CACNA1C: variants seen among roughly 807,000 people sequenced by gnomAD.
The protein encoded by CACNA1C is voltage-dependent L-type calcium channel subunit alpha-1C.
A neutral mutation model predicts 229.0 loss-of-function variants in CACNA1C; 30 were observed. The ratio of observed to expected loss-of-function variants is 0.13; its 90% confidence interval spans 0.10 to 0.18. The LOEUF (loss-of-function observed/expected upper bound fraction) is 0.18, where lower values mean the gene tolerates loss of function less well. CACNA1C is among the 10% of genes least tolerant of loss of function. The pLI is 1.00. For missense variants in CACNA1C, 1,658 were observed against 2,845.0 expected (o/e 0.58, Z 9.49); for synonymous variants, 1,114 against 1,132.5 (o/e 0.98, Z 0.33).
At chr12:2,272,039 G>A (rs1353290768) in intron 3 of CACNA1C, among the ~76,000 whole-genome samples, 3 of 152,184 alleles carry the variant, frequency 2.0e-5, no homozygotes, top group Non-Finnish European at 4.4e-5. Context: ...TGGAGCATCC[G>A]CAAGGCCACC....
At position 1,987,091 on chromosome 12, in the gene CACNA1C, C is replaced by A. The variant is rs568615806; in HGVS notation, c.139+15890C>A. 2.0e-5 allele frequency among the ~76,000 whole-genome samples: 3 copies of A among 152,200 alleles called. No homozygotes were observed. In the South Asian group the frequency reaches 6.2e-4, roughly 32 times the overall value. On this transcript the variant is annotated intron_variant, in intron 1 of 46. Coordinates refer to the CACNA1C transcript ENST00000682462. ...GGCTTCAAAAGGTTTACTATTACCA[C>A]GCATGCTTAAAAAAAAGAACTTACA...
rs1247036135 is a variant in CACNA1C at position 2,145,685 on chromosome 12, G to A, written c.477+25255G>A. 2.0e-5 allele frequency among the ~76,000 whole-genome samples: 3 copies of A among 151,284 alleles called. 1 individual carries two copies. The highest frequency in any genetic ancestry group is 4.4e-5 in the Non-Finnish European group (3 of 67,620). ...GCTTAAGTAGTCCGTGGGCTTGTGA[G>A]GAAAACGCTAGATTAAATCTTGATT... is the stretch of plus-strand genomic sequence containing the variant. On this transcript the variant is annotated intron_variant, in intron 3 of 46. Transcript: ENST00000399655.
intron 29 of CACNA1C, among the ~76,000 whole-genome samples, chr12:2,626,808 A>G (rs1024777492): frequency 6.6e-6 from 1 of 152,202 alleles, no homozygotes; most frequent in Non-Finnish European, 1.5e-5. Context: ...GGAAGATGGC[A>G]GGCTTCAGGA....
chr12:2,616,281 T>C (rs1358109501), intron 29 of CACNA1C, among the ~76,000 whole-genome samples: 1 of 152,220 alleles, frequency 6.6e-6, no homozygotes, highest in Non-Finnish European at 1.5e-5. Flanking sequence ...TCTTTCTGTC[T>C]GGGCCTCCTC....
chr12:2,367,630 C>G (rs1043568292), intron 3 of CACNA1C, among the ~76,000 whole-genome samples: 1 of 151,936 alleles, frequency 6.6e-6, no homozygotes, highest in African/African-American at 2.4e-5. Flanking sequence ...AATTAGGAAA[C>G]AGTATCAGAA....
intron 9 of CACNA1C, among the ~76,000 whole-genome samples, chr12:2,528,916 T>C (rs552185234): frequency 8.5e-5 from 13 of 152,260 alleles, no homozygotes; most frequent in South Asian, 4.1e-4. Flanking sequence ...AGGTCGCCCA[T>C]TGGACACTCA....
intron 3 of CACNA1C, among the ~76,000 whole-genome samples, chr12:2,389,818 C>A (rs1203440412): frequency 2.6e-5 from 4 of 152,124 alleles, no homozygotes; most frequent in Non-Finnish European, 4.4e-5. Context: ...GTTCTTCCAA[C>A]CCTCCGGCAC....
chr12:1,992,946 T>C, intron 1 of CACNA1C: 2 of 593,044 alleles, frequency 3.4e-6, no homozygotes, highest in Non-Finnish European at 6.0e-6. Flanking sequence ...GTCTCTGCAG[T>C]CTCCTCACTA....
intron 44 of CACNA1C, 133 bp from the exon 45 acceptor site, chr12:2,686,033 A>C: frequency 1.2e-6 from 1 of 868,066 alleles, no homozygotes; most frequent in South Asian, 1.3e-5. Context: ...AATACGTCTC[A>C]GACGAGGGGA....
chr12:2,061,145 T>C (rs1005767769), intron 1 of CACNA1C, among the ~76,000 whole-genome samples: 1 of 147,750 alleles, frequency 6.8e-6, no homozygotes, highest in African/African-American at 2.5e-5. Context: ...TTTTTTTTTG[T>C]CTGTAAAGTG....
intron 3 of CACNA1C, among the ~76,000 whole-genome samples, chr12:2,375,557 GATCA>G (rs1470039761): frequency 8.5e-5 from 13 of 152,200 alleles, no homozygotes; most frequent in African/African-American, 2.9e-4. Flanking sequence ...CTTCCTTGAT[GATCA>G]GATGTTTCTT....
In CACNA1C at chr12:2,449,013, T is replaced by C. The variant is rs1430591228; in HGVS notation, c.515T>C (p.Val172Ala). The C allele has an allele frequency of 6.2e-7, 1 of 1,609,116 alleles. No individual in the cohort carries two copies. The highest frequency in any genetic ancestry group is 8.5e-7 in the Non-Finnish European group (1 of 1,176,192). ...TATCTCTTTCTCATAATTTTTACGGTGGAAGCGTTTTTAAAAGTAATCGCC... is the reference window on the plus strand; with the variant it reads ...TATCTCTTTCTCATAATTTTTACGGCGGAAGCGTTTTTAAAAGTAATCGCC... ...VEYLFLIIFT[V>A]EAFLKVIAYG... The change falls in exon 4 of 47, where the codon GTG (valine) becomes GCG (alanine). Residue 172 changes from valine (V) to alanine (A), a missense_variant. Coordinates refer to ENST00000399655, the MANE Select transcript of CACNA1C (RefSeq NM_000719.7).
At position 2,212,166 on chromosome 12, in the gene CACNA1C, G is replaced by C. The variant is rs567166667; in HGVS notation, c.477+91736G>C. ...GTTCCAGGTTATATGTTTTTATGGG[G>C]TGATGGTGAAACAAAGAATGAATTT... On this transcript the variant is annotated intron_variant, in intron 3 of 46. Transcript: ENST00000399655. Among the ~76,000 whole-genome samples the C allele has an allele frequency of 5.3e-5, 8 of 152,316 alleles. No individual in the cohort carries two copies. In the South Asian group the frequency reaches 1.7e-3, roughly 32 times the overall value.
At chr12:2,230,043 C>T (rs924132303) in intron 3 of CACNA1C, among the ~76,000 whole-genome samples, 1 of 152,192 alleles carries the variant, frequency 6.6e-6, no homozygotes, top group African/African-American at 2.4e-5. Flanking sequence ...CCTTAAGCTC[C>T]GGCAGCGATT....
At chr12:2,641,460 T>C (rs1463758019) in intron 30 of CACNA1C, 2 of 521,006 alleles carry the variant, frequency 3.8e-6, no homozygotes, top group Non-Finnish European at 6.9e-6. Flanking sequence ...AGTTCCGTGG[T>C]CTCAGGACAG....
At chr12:2,064,470 G>T (rs1356329328) in intron 1 of CACNA1C, among the ~76,000 whole-genome samples, 1 of 152,206 alleles carries the variant, frequency 6.6e-6, no homozygotes, top group Admixed American at 6.5e-5. Context: ...GGTGCTGCCT[G>T]CCCTGCCCCA....
chr12:2,617,710 C>T (rs2081318790), intron 29 of CACNA1C, among the ~76,000 whole-genome samples: 2 of 152,272 alleles, frequency 1.3e-5, no homozygotes, highest in South Asian at 4.1e-4. Flanking sequence ...GGATGTGGCT[C>T]AAATGGAAGG....
intron 3 of CACNA1C, among the ~76,000 whole-genome samples, chr12:2,158,695 TCAAG>T (rs923474531): frequency 2.6e-5 from 4 of 151,998 alleles, no homozygotes; most frequent in Non-Finnish European, 4.4e-5. Context: ...AAACTATCAC[TCAAG>T]CAAGAAGGTA....
In CACNA1C at chr12:2,633,772, ATT is replaced by A; in HGVS notation, c.3829-523_3829-522del. On this transcript the variant is annotated intron_variant, in intron 29 of 46. Coordinates refer to ENST00000399655, the MANE Select transcript of CACNA1C (RefSeq NM_000719.7). The surrounding 1 kb of genome is among the most constrained non-coding windows in gnomAD (Gnocchi z 5.8). ...TCATTCCTCCTCCTCTGCCTCGTCT[ATT>A]TCTCTCTCTCTCACTCTCTCTGTTT... 1.1e-6 allele frequency: 1 copy of A among 899,360 alleles called. No homozygotes were observed. The highest frequency in any genetic ancestry group is 1.8e-6 in the Non-Finnish European group (1 of 541,320). 55.7% of individuals were successfully genotyped at this position (899,360 alleles called of 1,614,324 possible). A position where few individuals can be genotyped will look rare whatever the true frequency, so the allele number is the denominator to read the frequency against.
Sources: gnomAD v4.1 joint callset for allele counts (sites outside exome capture counted in the v4.1 genomes callset) on GRCh38, gnomAD v4.1.1 for gene constraint, Gnocchi (gnomAD v3.1) non-coding constraint, MANE v1.5 for transcripts, NCBI Gene and HGNC (gene_info 2026-07-23, HGNC 2026-07-21) for gene names.